NLK: variants seen among roughly 807,000 people sequenced by gnomAD.
NLK encodes the protein serine/threonine-protein kinase NLK.
Under a neutral mutation model 59.0 loss-of-function variants are expected in NLK, and 11 were observed. That is an observed-to-expected ratio of 0.19 (90% CI 0.12 to 0.31). The LOEUF (loss-of-function observed/expected upper bound fraction) is 0.31, where lower values mean the gene tolerates loss of function less well. Among genes scored for constraint, NLK ranks in the 10% least tolerant of loss-of-function variants. The probability of loss-of-function intolerance (pLI) is 1.00; values close to 1 mark genes in which losing one functional copy is unlikely to be tolerated. For synonymous variants in NLK, 235 were observed against 235.9 expected, an observed-to-expected ratio of 1.00 and a Z score of 0.03; for missense variants, 410 against 661.1, an observed-to-expected ratio of 0.62 and a Z score of 4.16.
chr17:28,079,659 T>C (rs1310564430), intron 1 of NLK, among the ~76,000 whole-genome samples: 1 of 152,202 alleles, frequency 6.6e-6, no homozygotes, highest in Non-Finnish European at 1.5e-5. Context: ...GTATCTTCTC[T>C]TTTGCCCATT....
intron 3 of NLK, among the ~76,000 whole-genome samples, chr17:28,148,985 A>AAAT: frequency 6.6e-6 from 1 of 152,352 alleles, no homozygotes; most frequent in Middle Eastern, 3.4e-3. Context: ...AGTTCATATG[A>AAAT]AGTACTTAAA....
At chr17:28,198,667 A>G (rs1210625034), downstream of NLK, among the ~76,000 whole-genome samples, 6 of 151,892 alleles carry the variant, frequency 4.0e-5, no homozygotes, top group Non-Finnish European at 2.9e-5. Flanking sequence ...CCGGAGTTTT[A>G]TTTTCACATC....
intron 1 of NLK, among the ~76,000 whole-genome samples, chr17:28,111,893 T>TGGG (rs1186136458): frequency 2.9e-5 from 3 of 104,442 alleles, no homozygotes; most frequent in Admixed American, 2.0e-4. Flanking sequence ...TGTGTGTGTG[T>TGGG]GTGGTGTGTG....
chr17:28,185,550 A>G (rs1909083703), intron 8 of NLK, among the ~76,000 whole-genome samples: 1 of 152,068 alleles, frequency 6.6e-6, no homozygotes, highest in African/African-American at 2.4e-5. Flanking sequence ...AGTCAAGACA[A>G]AATGATTTTT....
chr17:28,124,807 T>C (rs536743846), intron 2 of NLK, among the ~76,000 whole-genome samples: 2 of 152,136 alleles, frequency 1.3e-5, no homozygotes, highest in South Asian at 4.2e-4. Context: ...CCCAGCACTT[T>C]GGGAGGCCAA....
intron 1 of NLK, among the ~76,000 whole-genome samples, chr17:28,055,935 A>T (rs1909427805): frequency 6.6e-6 from 1 of 152,184 alleles, no homozygotes; most frequent in South Asian, 2.1e-4. Flanking sequence ...TTTAGCACAT[A>T]AAAGGAAGGT....
At chr17:28,167,950 G>A (rs1488787719) in intron 5 of NLK, among the ~76,000 whole-genome samples, 5 of 152,050 alleles carry the variant, frequency 3.3e-5, no homozygotes, top group African/African-American at 1.2e-4. Flanking sequence ...AATGATGTAA[G>A]TTTGAGACTT....
rs548680286 is a variant in NLK at position 28,072,566 on chromosome 17, C to T, written c.458+29235C>T. On this transcript the variant is annotated intron_variant, in intron 1 of 10. Transcript: ENST00000407008. ...TGGTCTCAGACTGCCGAGATGAGTG[C>T]GCTGATCTTTTTAAATTTGTCCCTA... Among the ~76,000 whole-genome samples the T allele has an allele frequency of 2.0e-4, 30 of 151,944 alleles. No homozygotes were observed. The South Asian group carries it at 5.2e-3, about 26-fold the overall frequency.
chr17:28,166,235 T>A (rs1908231711), intron 5 of NLK, among the ~76,000 whole-genome samples: 1 of 152,140 alleles, frequency 6.6e-6, no homozygotes, highest in Non-Finnish European at 1.5e-5. Flanking sequence ...TATATATATG[T>A]TATTTGAACA....
chr17:28,122,381 T>G (rs1387819145), intron 1 of NLK, among the ~76,000 whole-genome samples: 1 of 152,212 alleles, frequency 6.6e-6, no homozygotes, highest in Non-Finnish European at 1.5e-5. Context: ...GGATTTTTTT[T>G]TTTTTAAAGC....
chr17:28,094,035 G>A (rs1288354298), intron 1 of NLK, among the ~76,000 whole-genome samples: 1 of 152,152 alleles, frequency 6.6e-6, no homozygotes, highest in Non-Finnish European at 1.5e-5. Flanking sequence ...GAAAGAAGCT[G>A]TAACATTTTT....
intron 3 of NLK, among the ~76,000 whole-genome samples, chr17:28,156,666 G>GT (rs1306325342): frequency 6.6e-6 from 1 of 152,124 alleles, no homozygotes; most frequent in Non-Finnish European, 1.5e-5. Context: ...ATAATGTCTT[G>GT]TTTTTTAATT....
chr17:28,153,272 C>T (rs1907561450), intron 3 of NLK, among the ~76,000 whole-genome samples: 1 of 148,460 alleles, frequency 6.7e-6, no homozygotes, highest in Non-Finnish European at 1.5e-5. Context: ...GAAATTCCCC[C>T]TCAAAAAAAA....
chr17:28,085,183 A>G (rs1441524980), intron 1 of NLK, among the ~76,000 whole-genome samples: 2 of 151,980 alleles, frequency 1.3e-5, no homozygotes, highest in African/African-American at 4.8e-5. Context: ...AAAAATTATC[A>G]CGTTTTATGC....
At chr17:28,203,250 T>G in the NLK span, among the ~76,000 whole-genome samples, 508 of 150,894 alleles carry the variant, frequency 3.4e-3, 7 homozygotes, top group African/African-American at 0.012. Context: ...CCACAAGTGA[T>G]CCACCTTGGC....
Position 28,136,950 on chromosome 17 carries a change from CAAAAAAAA to C in NLK, c.644+4288_644+4295del, listed in dbSNP as rs67290939. The stretch of plus-strand genomic sequence containing the variant: ...ACAAATAAATTTGTTGTAGCCAAAG[CAAAAAAAA>C]AAAAAAAAAAAATTCCTCAGTTTCC... On this transcript the variant is annotated intron_variant, in intron 3 of 10. Transcript: ENST00000407008. Among the ~76,000 whole-genome samples the C allele has an allele frequency of 5.5e-4, 44 of 80,638 alleles. No individual in the cohort carries two copies. In the East Asian group the frequency reaches 6.7e-3, roughly 12 times the overall value. The allele number at this position is 80,638 out of a possible 152,430, so 52.9% of individuals were successfully genotyped here.
At chr17:28,182,109 G>A (rs1908932830) in intron 7 of NLK, among the ~76,000 whole-genome samples, 1 of 152,110 alleles carries the variant, frequency 6.6e-6, no homozygotes, top group African/African-American at 2.4e-5. Flanking sequence ...AAGATACCAA[G>A]GTTAAGACAT....
intron 1 of NLK, among the ~76,000 whole-genome samples, chr17:28,108,986 G>C (rs7207665): frequency 0.02 from 3,105 of 152,132 alleles, 99 homozygotes; most frequent in African/African-American, 0.07. Flanking sequence ...GGTTAACATG[G>C]TGAAACCCCA....
chr17:28,042,845 G>T lies in NLK; in HGVS notation c.-29G>T. On this transcript the variant is annotated 5_prime_UTR_variant, in exon 1 of 11. Transcript: ENST00000407008. ...GCCAAATGACAGCTTGACCCAGTTT[G>T]CTTTCCAATCAAAGGGCATTTATTT... is the stretch of plus-strand genomic sequence containing the variant. The T allele has an allele frequency of 6.8e-7, 1 of 1,467,080 alleles. No individual in the cohort carries two copies. The highest frequency in any genetic ancestry group is 9.1e-7 in the Non-Finnish European group (1 of 1,102,054). 90.9% of individuals were successfully genotyped at this position (1,467,080 alleles called of 1,614,324 possible).
Sources: gnomAD v4.1 joint callset for allele counts (sites outside exome capture counted in the v4.1 genomes callset) on GRCh38, gnomAD v4.1.1 for gene constraint, MANE v1.5 for transcripts, NCBI Gene and HGNC (gene_info 2026-07-23, HGNC 2026-07-21) for gene names.